DNAJC10: variants seen among roughly 807,000 people sequenced by gnomAD.
DNAJC10 encodes the protein endoplasmic reticulum disulfide reductase DNAJC10.
DNAJC10 carries 101 observed loss-of-function variants against 115.0 expected under a neutral mutation model. The ratio of observed to expected loss-of-function variants is 0.88; its 90% CI spans 0.75 to 1.04. DNAJC10 has a LOEUF of 1.04. DNAJC10 is among the 50% of genes least tolerant of loss of function. DNAJC10 has a pLI of 0.00. For synonymous variants in DNAJC10, 307 were observed against 301.5 expected (o/e 1.02, Z -0.19); for missense variants, 981 against 928.8 (o/e 1.06, Z -0.73).
chr2:182,728,871 CT>C lies in DNAJC10; in HGVS notation c.513del (p.Phe171LeufsTer25). ...CHDLAPTWRDFAKEVDGLLRI... is the reference protein window; with the variant it reads ...CHDLAPTWRDXAKEVDGLLRI... ...TTCTTTTTCTGTCATAGTGGAGAGA[CT>C]TTGCTAAAGAAGTGGATGGGTTACT... On this transcript the variant is annotated frameshift_variant, in exon 7 of 24. Transcript: ENST00000264065. LOFTEE classifies it high-confidence loss of function. 6.2e-7 allele frequency: 1 copy of C among 1,613,946 alleles called. No individual in the cohort carries two copies. Among genetic ancestry groups the C allele is most frequent in the South Asian group, 1.1e-5 (1 of 91,070 alleles).
chr2:182,777,118 T>C lies in DNAJC10; in HGVS notation c.2371-3T>C. The C allele has an allele frequency of 1.4e-6, 2 of 1,415,094 alleles. No individual in the cohort carries two copies. Among genetic ancestry groups the C allele is most frequent in the Non-Finnish European group, 1.9e-6 (2 of 1,052,074 alleles). The allele number at this position is 1,415,094 out of a possible 1,614,324, so 87.7% of individuals were successfully genotyped here. On this transcript the variant is annotated splice_region_variant and splice_polypyrimidine_tract_variant and intron_variant, in intron 23 of 23. Transcript: ENST00000264065. ...CTCTATCGCCTTTACATTATTATTA[T>C]AGGATGAACTTTGATAATGTTGAAG...
Position 182,787,436 on chromosome 2 carries a change from C to G in DNAJC10, c.*10304C>G, listed in dbSNP as rs566974656. 6.6e-6 allele frequency: 1 copy of G among 152,136 alleles called. No homozygotes were observed. Among genetic ancestry groups the G allele is most frequent in the East Asian group, 1.9e-4 (1 of 5,194 alleles). The allele number at this position is 152,136 out of a possible 1,614,324, so 9.4% of individuals were successfully genotyped here. ...GCTATTCAAGAAGTTTATACAAACC[C>G]GTAATGTACTACCAAACCGTTCATT... On this transcript the variant is annotated 3_prime_UTR_variant, in exon 24 of 24. Transcript: ENST00000264065.
chr2:182,774,112 C>T (rs1694641248), intron 22 of DNAJC10, among the ~76,000 whole-genome samples: 1 of 152,204 alleles, frequency 6.6e-6, no homozygotes, highest in African/African-American at 2.4e-5. Flanking sequence ...TTGGAGTTTG[C>T]TGGAGGTCCA....
intron 3 of DNAJC10, among the ~76,000 whole-genome samples, chr2:182,719,554 G>T (rs1693091482): frequency 6.6e-6 from 1 of 151,650 alleles, no homozygotes; most frequent in Non-Finnish European, 1.5e-5. Context: ...TCTGATACTG[G>T]CTTTTATGTA....
intron 14 of DNAJC10, among the ~76,000 whole-genome samples, chr2:182,748,756 A>T (rs1404831902): frequency 1.3e-5 from 2 of 151,818 alleles, no homozygotes; most frequent in African/African-American, 4.8e-5. Context: ...TTAGGGTGTC[A>T]ATTTTGGATC....
At chr2:182,718,541 T>C (rs1426612060) in intron 3 of DNAJC10, among the ~76,000 whole-genome samples, 1 of 152,196 alleles carries the variant, frequency 6.6e-6, no homozygotes, top group African/African-American at 2.4e-5. Context: ...TTAAAGACAT[T>C]AACCCCAAAA....
chr2:182,749,808 C>T (rs978080828), intron 14 of DNAJC10, among the ~76,000 whole-genome samples: 2 of 152,140 alleles, frequency 1.3e-5, no homozygotes, highest in South Asian at 2.1e-4. Flanking sequence ...CACAGTTTTT[C>T]GTGGTCAGGA....
intron 22 of DNAJC10, among the ~76,000 whole-genome samples, chr2:182,771,525 G>A (rs1263539264): frequency 1.3e-5 from 2 of 152,146 alleles, no homozygotes; most frequent in Non-Finnish European, 2.9e-5. Context: ...GGTCTATTCA[G>A]AAATTCATCT....
At chr2:182,765,162 C>A (rs1034105991) in intron 22 of DNAJC10, among the ~76,000 whole-genome samples, 2 of 152,054 alleles carry the variant, frequency 1.3e-5, no homozygotes, top group Non-Finnish European at 2.9e-5. Flanking sequence ...ACTTAGTATC[C>A]CTTTGGGGCT....
At chr2:182,754,248 A>G (rs2105673527) in intron 16 of DNAJC10, among the ~76,000 whole-genome samples, 1 of 152,328 alleles carries the variant, frequency 6.6e-6, no homozygotes, top group South Asian at 2.1e-4. Context: ...ACTAATATAA[A>G]TGTTTCCATT....
chr2:182,770,622 G>T (rs1694535833), intron 22 of DNAJC10, among the ~76,000 whole-genome samples: 1 of 151,208 alleles, frequency 6.6e-6, no homozygotes, highest in African/African-American at 2.4e-5. Context: ...TGTTGATGGT[G>T]TATAGGAGTG....
intron 4 of DNAJC10, among the ~76,000 whole-genome samples, chr2:182,720,799 A>G (rs773763413): frequency 2.0e-5 from 3 of 152,156 alleles, no homozygotes; most frequent in African/African-American, 7.2e-5. Flanking sequence ...ATTTCTTTCA[A>G]TATATTTTAG....
In DNAJC10 at chr2:182,773,626, T is replaced by C. The variant is rs542709595; in HGVS notation, c.2266-1690T>C. Among the ~76,000 whole-genome samples the C allele has an allele frequency of 3.1e-4, 47 of 152,362 alleles. 1 individual carries two copies. Among genetic ancestry groups the C allele is most frequent in the African/African-American group, 1.1e-3 (46 of 41,586 alleles). On this transcript the variant is annotated intron_variant, in intron 22 of 23. Coordinates refer to ENST00000264065, the MANE Select transcript of DNAJC10 (RefSeq NM_018981.4). ...TTCTTCCACTTGATCAAATTGGCTA[T>C]TGAAGCTTGTGCATGTGTCACCAAG...
At chr2:182,725,788 A>C (rs181205109) in intron 5 of DNAJC10, among the ~76,000 whole-genome samples, 1 of 152,320 alleles carries the variant, frequency 6.6e-6, no homozygotes, top group East Asian at 1.9e-4. Flanking sequence ...AGATCTAGCT[A>C]AGATCATTGA....
At position 182,731,047 on chromosome 2, in the gene DNAJC10, A is replaced by T; in HGVS notation, c.745A>T (p.Ile249Leu). The change falls in exon 9 of 24, where the codon ATA (isoleucine) becomes TTA (leucine). Residue 249 changes from isoleucine (I) to leucine (L), a missense_variant. Ile to Leu is a conservative substitution (Grantham distance 5, BLOSUM62 2). Coordinates refer to ENST00000264065, the MANE Select transcript of DNAJC10 (RefSeq NM_018981.4). ...ELWTGNFVNS[I>L]QTAFAAGIGW... is the part of the protein sequence containing the mutation. Reference sequence around the variant, plus strand: ...TTTTTAAGGAAATTTTGTCAACTCCATACAAACTGCTTTTGCTGCTGGTAT... The same window carrying T: ...TTTTTAAGGAAATTTTGTCAACTCCTTACAAACTGCTTTTGCTGCTGGTAT... The T allele has an allele frequency of 6.2e-7, 1 of 1,612,952 alleles. No homozygotes were observed. The highest frequency in any genetic ancestry group is 2.2e-5 in the East Asian group (1 of 44,782).
At chr2:182,741,868 A>G (rs577668190) in intron 13 of DNAJC10, among the ~76,000 whole-genome samples, 2 of 152,114 alleles carry the variant, frequency 1.3e-5, no homozygotes, top group Non-Finnish European at 2.9e-5. Context: ...TGGCCATTGT[A>G]ATAGACATAC....
At chr2:182,719,551 C>T (rs16823628) in intron 3 of DNAJC10, among the ~76,000 whole-genome samples, 1 of 151,888 alleles carries the variant, frequency 6.6e-6, no homozygotes. Flanking sequence ...TTTTCTGATA[C>T]TGGCTTTTAT....
intron 5 of DNAJC10, among the ~76,000 whole-genome samples, chr2:182,723,770 A>G (rs1377985526): frequency 6.6e-6 from 1 of 152,240 alleles, no homozygotes; most frequent in Non-Finnish European, 1.5e-5. Flanking sequence ...TATATTGTAT[A>G]TGGGTTCACA....
At chr2:182,769,503 T>G (rs1694504353) in intron 22 of DNAJC10, among the ~76,000 whole-genome samples, 1 of 152,220 alleles carries the variant, frequency 6.6e-6, no homozygotes, top group African/African-American at 2.4e-5. Flanking sequence ...TCCTGACTTT[T>G]TAATGATCGC....
Sources: allele counts gnomAD v4.1 joint callset (sites outside exome capture counted in the v4.1 genomes callset), GRCh38; gene constraint gnomAD v4.1.1; transcripts MANE v1.5; gene names NCBI Gene and HGNC (gene_info 2026-07-23, HGNC 2026-07-21).